WWTR1: variants seen among roughly 807,000 people sequenced by gnomAD.
WWTR1 encodes WW domain containing transcription regulator 1, also known as WW domain-containing transcription regulator protein 1.
In WWTR1, 13 loss-of-function variants were observed where a neutral mutation model predicts 40.1. The observed-to-expected ratio is 0.32, with a 90% confidence interval of 0.21 to 0.52. WWTR1 has a LOEUF of 0.52. Ranked by LOEUF, WWTR1 falls within the 20% of genes least tolerant of loss-of-function variation. The pLI, the probability that WWTR1 is intolerant of heterozygous loss-of-function variation, is 0.97. For missense variants in WWTR1, 436 were observed against 523.1 expected (o/e 0.83, Z 1.63); for synonymous variants, 230 against 210.1 (o/e 1.09, Z -0.82).
intron 2 of WWTR1, among the ~76,000 whole-genome samples, chr3:149,616,440 C>G (rs575406936): frequency 1.3e-5 from 2 of 151,598 alleles, no homozygotes; most frequent in South Asian, 2.1e-4. Context: ...CTCTCTCTCT[C>G]TCTCTTTTTT....
chr3:149,593,283 C>T (rs1159735975), intron 2 of WWTR1, among the ~76,000 whole-genome samples: 2 of 152,166 alleles, frequency 1.3e-5, no homozygotes, highest in African/African-American at 4.8e-5. Context: ...TGTCTGGTGG[C>T]TTTTGTCTCC....
At chr3:149,537,637 G>T (rs1029018061) in intron 4 of WWTR1, among the ~76,000 whole-genome samples, 1 of 152,104 alleles carries the variant, frequency 6.6e-6, no homozygotes, top group Admixed American at 6.6e-5. Flanking sequence ...ACATGTCTGA[G>T]TTTTGACAAA....
intron 4 of WWTR1, among the ~76,000 whole-genome samples, chr3:149,531,332 T>C (rs1338894654): frequency 1.3e-5 from 2 of 152,238 alleles, no homozygotes; most frequent in African/African-American, 2.4e-5. Flanking sequence ...AAATCATTCT[T>C]AGGTCACAAG....
At chr3:149,607,881 T>A (rs956953769) in intron 2 of WWTR1, among the ~76,000 whole-genome samples, 3 of 151,994 alleles carry the variant, frequency 2.0e-5, no homozygotes, top group Non-Finnish European at 4.4e-5. Flanking sequence ...AAAAGAAAAA[T>A]AAGTAATGAA....
At chr3:149,707,715 G>C (rs1715366740), upstream of WWTR1, among the ~76,000 whole-genome samples, 1 of 152,092 alleles carries the variant, frequency 6.6e-6, no homozygotes, top group South Asian at 2.1e-4. Context: ...GGCAATGTAG[G>C]TTCTCAGCTC....
chr3:149,682,448 C>A (rs572163139), intron 1 of WWTR1, among the ~76,000 whole-genome samples: 2 of 152,250 alleles, frequency 1.3e-5, no homozygotes, highest in African/African-American at 4.8e-5. Context: ...CAAAGAATTT[C>A]TTTGTTAAGA....
chr3:149,673,168 G>A (rs1407544776), intron 1 of WWTR1, among the ~76,000 whole-genome samples: 2 of 152,094 alleles, frequency 1.3e-5, no homozygotes, highest in African/African-American at 2.4e-5. Flanking sequence ...TTGAGCCCAG[G>A]AGTTTGAGGC....
upstream of WWTR1, among the ~76,000 whole-genome samples, chr3:149,707,943 A>G (rs188896301): frequency 1.3e-3 from 193 of 152,198 alleles, no homozygotes; most frequent in Non-Finnish European, 2.2e-3. Flanking sequence ...GGCCATACCA[A>G]TACTGTTCTC....
intron 2 of WWTR1, among the ~76,000 whole-genome samples, chr3:149,580,842 C>T (rs1738122396): frequency 1.3e-5 from 2 of 152,094 alleles, no homozygotes; most frequent in South Asian, 2.1e-4. Context: ...AAACTCTTGA[C>T]CTCAGGCCAT....
rs988676753 is a variant in WWTR1, at chr3:149,519,411, C to T, written c.*1394G>A. The T allele has an allele frequency of 1.3e-5, 2 of 152,164 alleles. No individual in the cohort carries two copies. Among genetic ancestry groups the T allele is most frequent in the African/African-American group, 2.4e-5 (1 of 41,446 alleles). 9.4% of individuals were successfully genotyped at this position (152,164 alleles called of 1,614,324 possible). A position where few individuals can be genotyped will look rare whatever the true frequency, so the allele number is the denominator to read the frequency against. ...CATGTCAGTCAGAGATCTGCTTCAT[C>T]CTTCAGTTTCATAGATAGAATTATT... On this transcript the variant is annotated 3_prime_UTR_variant, in exon 7 of 7. Transcript: ENST00000360632.
intron 2 of WWTR1, among the ~76,000 whole-genome samples, chr3:149,574,149 G>C (rs1001095718): frequency 6.6e-6 from 1 of 151,884 alleles, no homozygotes; most frequent in Non-Finnish European, 1.5e-5. Context: ...TCCCACCTTG[G>C]CCTACTGAGT....
chr3:149,720,041 G>A (rs756450466), intron 4 of WWTR1, among the ~76,000 whole-genome samples: 11 of 152,134 alleles, frequency 7.2e-5, no homozygotes, highest in African/African-American at 9.7e-5. Flanking sequence ...GATATATGAC[G>A]TGTAAATATA....
At chr3:149,629,456 C>T (rs1711500756) in intron 2 of WWTR1, among the ~76,000 whole-genome samples, 1 of 152,210 alleles carries the variant, frequency 6.6e-6, no homozygotes, top group Admixed American at 6.5e-5. Flanking sequence ...CCAACCAGGA[C>T]TTGAGTGTGG....
chr3:149,575,091 C>A (rs1737821283), intron 2 of WWTR1, among the ~76,000 whole-genome samples: 1 of 148,474 alleles, frequency 6.7e-6, no homozygotes, highest in Non-Finnish European at 1.5e-5. Flanking sequence ...GAGACTCCAT[C>A]CCCCCCAAAA....
At chr3:149,523,317 C>T (rs1010811272) in intron 6 of WWTR1, among the ~76,000 whole-genome samples, 8 of 151,434 alleles carry the variant, frequency 5.3e-5, no homozygotes, top group Non-Finnish European at 1.2e-4. Flanking sequence ...GGCACAATCT[C>T]GGCTCACTGC....
At chr3:149,719,971 G>A (rs1051977692) in intron 4 of WWTR1, among the ~76,000 whole-genome samples, 6 of 152,132 alleles carry the variant, frequency 3.9e-5, no homozygotes, top group African/African-American at 1.2e-4. Flanking sequence ...TGAGCTGTTT[G>A]TATTTTTGTT....
chr3:149,548,819 G>C (rs1175734673), intron 3 of WWTR1, among the ~76,000 whole-genome samples: 1 of 152,176 alleles, frequency 6.6e-6, no homozygotes, highest in Non-Finnish European at 1.5e-5. Flanking sequence ...TTGGCACTTT[G>C]AGGTGAATTT....
At chr3:149,650,738 T>C (rs1188011825) in intron 2 of WWTR1, among the ~76,000 whole-genome samples, 1 of 152,240 alleles carries the variant, frequency 6.6e-6, no homozygotes, top group Non-Finnish European at 1.5e-5. Context: ...ACTTCTCAGA[T>C]GGAGTTGGGT....
chr3:149,716,029 A>T (rs994016736), intron 5 of WWTR1, among the ~76,000 whole-genome samples: 2 of 152,184 alleles, frequency 1.3e-5, no homozygotes, highest in African/African-American at 4.8e-5. Context: ...AACATTGAAC[A>T]TGAATTCTCT....
Sources: gnomAD v4.1 joint callset for allele counts (sites outside exome capture counted in the v4.1 genomes callset) on GRCh38, gnomAD v4.1.1 for gene constraint, MANE v1.5 for transcripts, NCBI Gene and HGNC (gene_info 2026-07-23, HGNC 2026-07-21) for gene names.